METTL2A: variants seen among roughly 807,000 people sequenced by gnomAD.
METTL2A encodes the protein methyltransferase 2A, tRNA N3-cytidine.
METTL2A carries 45 observed loss-of-function variants against 49.4 expected under a neutral mutation model. The ratio of observed to expected loss-of-function variants is 0.91; its 90% CI spans 0.72 to 1.17. METTL2A has a LOEUF of 1.17. Among genes scored for constraint, METTL2A ranks in the 50% most tolerant of loss-of-function variants. The pLI is 0.00. For missense variants in METTL2A, 361 were observed against 462.2 expected (o/e 0.78, Z 2.01); for synonymous variants, 118 against 167.5 (o/e 0.70, Z 2.28).
chr17:62,432,505 C>A (rs1389324198), intron 4 of METTL2A, among the ~76,000 whole-genome samples: 1 of 151,782 alleles, frequency 6.6e-6, no homozygotes, highest in African/African-American at 2.4e-5. Flanking sequence ...CCTGTCTCTA[C>A]AAAAAAATTA....
rs750594685 is a variant in METTL2A, at chr17:62,424,297, C to T, written c.189C>T (p.Cys63=). 4 of 1,613,752 alleles carry T rather than the reference C, an allele frequency of 2.5e-6. No individual in the cohort carries two copies. Among genetic ancestry groups the T allele is most frequent in the African/African-American group, 1.3e-5 (1 of 74,886 alleles). The change falls in exon 2 of 9, where the codon TGC becomes TGT. Residue 63 remains cysteine (C), a synonymous_variant. Transcript: ENST00000311506. ...AGGAGAACAGTATCCAGCGGGTGTG[C>T]CAGGAGAAACAAGGTGCGCTTAAAT... ...KVQENSIQRV[C]QEKQVDYEIN...
chr17:62,431,327 A>G (rs1237610575), intron 4 of METTL2A, among the ~76,000 whole-genome samples: 1 of 150,578 alleles, frequency 6.6e-6, no homozygotes, highest in Non-Finnish European at 1.5e-5. Context: ...CAGCCTTTTT[A>G]TGTTTCTTGA....
chr17:62,442,778 G>T (rs1481298605), intron 6 of METTL2A, among the ~76,000 whole-genome samples: 5 of 152,200 alleles, frequency 3.3e-5, no homozygotes, highest in African/African-American at 9.6e-5. Flanking sequence ...TGTGTCATCA[G>T]AGTCCTGCAA....
chr17:62,438,984 T>TTTTC (rs1174081855), intron 5 of METTL2A, among the ~76,000 whole-genome samples: 1 of 145,386 alleles, frequency 6.9e-6, no homozygotes, highest in African/African-American at 2.6e-5. Context: ...TTTTTTTTTT[T>TTTTC]TTTTTTTTTT....
At chr17:62,446,918 G>A (rs576451223) in intron 7 of METTL2A, among the ~76,000 whole-genome samples, 63 of 152,304 alleles carry the variant, frequency 4.1e-4, no homozygotes, top group African/African-American at 1.4e-3. Context: ...ATTCAGGAAG[G>A]TCTAGAAGTA....
chr17:62,448,432 G>A (rs1567738372), intron 8 of METTL2A, 143 bp from the exon 9 acceptor site: 2 of 1,461,990 alleles, frequency 1.4e-6, no homozygotes, highest in South Asian at 3.0e-5. Context: ...CTGTTACCAA[G>A]CCACCACTGC....
chr17:62,446,647 A>G (rs1273345939), intron 7 of METTL2A, among the ~76,000 whole-genome samples: 7 of 152,136 alleles, frequency 4.6e-5, no homozygotes, highest in African/African-American at 1.2e-4. Context: ...TTATTGTTCA[A>G]TCCAGTCATT....
intron 4 of METTL2A, among the ~76,000 whole-genome samples, chr17:62,428,127 T>C (rs1187655032): frequency 6.6e-6 from 1 of 152,262 alleles, no homozygotes; most frequent in Non-Finnish European, 1.5e-5. Flanking sequence ...ATCTTTGTCA[T>C]TTGGAAAATT....
In METTL2A at chr17:62,450,247, C is replaced by CATTTTTTTTTTTTTTTTTTTTTTTTTTT. The variant is rs1396756918; in HGVS notation, c.*1518_*1519insATTTTTTTTTTTTTTTTTTTTTTTTTTT. The stretch of plus-strand genomic sequence containing the variant: ...TGTGATCATTATCAGTGTTAGATGC[C>CATTTTTTTTTTTTTTTTTTTTTTTTTTT]TTTTTTTTTTTTTTTTTTTTTTTTT... On this transcript the variant is annotated 3_prime_UTR_variant, in exon 9 of 9. Coordinates refer to ENST00000311506, the MANE Select transcript of METTL2A (RefSeq NM_181725.4). 9 of 80,542 alleles carry CATTTTTTTTTTTTTTTTTTTTTTTTTTT rather than the reference C, an allele frequency of 1.1e-4. 3 individuals are homozygous for CATTTTTTTTTTTTTTTTTTTTTTTTTTT. Among genetic ancestry groups the CATTTTTTTTTTTTTTTTTTTTTTTTTTT allele is most frequent in the Non-Finnish European group, 8.5e-5 (4 of 47,278 alleles). The allele number at this position is 80,542 out of a possible 1,614,324, so 5.0% of individuals were successfully genotyped here.
Position 62,444,939 on chromosome 17 carries a change from A to T in METTL2A, c.912A>T (p.Lys304Asn), listed in dbSNP as rs769206467. 3 of 1,613,614 alleles carry T rather than the reference A, an allele frequency of 1.9e-6. No individual in the cohort carries two copies. In the East Asian group the frequency reaches 6.7e-5, roughly 36 times the overall value. The change falls in exon 7 of 9, where the codon AAA (lysine) becomes AAT (asparagine). Residue 304 changes from lysine (K) to asparagine (N), a missense_variant. By Grantham distance (94) the Lys-to-Asn change is moderately conservative. This residue lies in a region of METTL2A where 183 missense variants were observed against 216.5 expected (regional missense o/e 0.85). Transcript: ENST00000311506. ...GRYDMAQLRFKKGQCLSGNFY... is the reference protein window; with the variant it reads ...GRYDMAQLRFNKGQCLSGNFY... The stretch of plus-strand genomic sequence containing the variant: ...ATGACATGGCTCAGCTTCGGTTTAA[A>T]AAAGGTATTTTGAAAGTGCTGAATC...
intron 6 of METTL2A, among the ~76,000 whole-genome samples, chr17:62,444,313 T>C (rs2070754996): frequency 6.6e-6 from 1 of 152,196 alleles, no homozygotes; most frequent in South Asian, 2.1e-4. Flanking sequence ...TCTCAGTTAC[T>C]CTGCGGCCCA....
chr17:62,436,536 T>A (rs969513889), intron 5 of METTL2A, among the ~76,000 whole-genome samples: 3 of 151,948 alleles, frequency 2.0e-5, no homozygotes, highest in Non-Finnish European at 4.4e-5. Flanking sequence ...TGGGCGACAG[T>A]GAGACTCCAT....
In METTL2A at chr17:62,448,500, A is replaced by T. The variant is rs553297993; in HGVS notation, c.983-75A>T. The T allele has an allele frequency of 2.0e-3, 3,038 of 1,550,746 alleles. 6 individuals carry two copies. Among genetic ancestry groups the T allele is most frequent in the Non-Finnish European group, 2.3e-3 (2,665 of 1,149,630 alleles). ...ACAGCAACTTCCCAGAGCCCCTTTT[A>T]ACAAGGACTTAGTAGATAAAAATGC... On this transcript the variant is annotated intron_variant, in intron 8 of 8. Coordinates refer to ENST00000311506, the MANE Select transcript of METTL2A (RefSeq NM_181725.4).
chr17:62,443,811 C>G (rs553338554), intron 6 of METTL2A, among the ~76,000 whole-genome samples: 1 of 151,998 alleles, frequency 6.6e-6, no homozygotes, highest in African/African-American at 2.4e-5. Context: ...AGGCTGGTCT[C>G]GAACTCCTGA....
At position 62,432,536 on chromosome 17, in the gene METTL2A, A is replaced by G. The variant is rs576368831; in HGVS notation, c.609-2696A>G. 1.0e-3 allele frequency among the ~76,000 whole-genome samples: 156 copies of G among 152,324 alleles called. 1 individual carries two copies. Among genetic ancestry groups the G allele is most frequent in the African/African-American group, 3.4e-3 (140 of 41,578 alleles). ...AATTAGCCGCCAGGCGCTGTGGCTCACACCTGTAATCCCAGCACTTTGGGA... is the reference window on the plus strand; with the variant it reads ...AATTAGCCGCCAGGCGCTGTGGCTCGCACCTGTAATCCCAGCACTTTGGGA... On this transcript the variant is annotated intron_variant, in intron 4 of 8. Coordinates refer to ENST00000311506, the MANE Select transcript of METTL2A (RefSeq NM_181725.4).
intron 6 of METTL2A, among the ~76,000 whole-genome samples, chr17:62,444,166 G>A (rs536603287): frequency 6.6e-6 from 1 of 152,212 alleles, no homozygotes; most frequent in Non-Finnish European, 1.5e-5. Context: ...AAGTCACCTA[G>A]CAGAACCCAC....
chr17:62,427,495 A>G (rs1306671147), intron 3 of METTL2A, among the ~76,000 whole-genome samples: 1 of 152,232 alleles, frequency 6.6e-6, no homozygotes, highest in Non-Finnish European at 1.5e-5. Context: ...TCAGTAAGAA[A>G]ATACTTCATC....
chr17:62,436,134 T>C (rs2070698841), intron 5 of METTL2A, among the ~76,000 whole-genome samples: 1 of 152,146 alleles, frequency 6.6e-6, no homozygotes, highest in Non-Finnish European at 1.5e-5. Context: ...TTTCAGCTAC[T>C]CAGGAGGCTG....
Position 62,435,230 on chromosome 17 carries a change from A to G in METTL2A, c.609-2A>G. The G allele has an allele frequency of 6.2e-7, 1 of 1,613,968 alleles. No homozygotes were observed. The highest frequency in any genetic ancestry group is 8.5e-7 in the Non-Finnish European group (1 of 1,179,856). On this transcript the variant is annotated splice_acceptor_variant, in intron 4 of 8. Transcript: ENST00000311506. LOFTEE classifies it high-confidence loss of function. ...TTGTTCTGTCTTTTCTGCCCATTTCAGTGACCCAGGACTCTTTGTTTATTG... is the reference window on the plus strand; with the variant it reads ...TTGTTCTGTCTTTTCTGCCCATTTCGGTGACCCAGGACTCTTTGTTTATTG...
Sources: allele counts gnomAD v4.1 joint callset (sites outside exome capture counted in the v4.1 genomes callset), GRCh38; gene constraint gnomAD v4.1.1; regional missense constraint gnomAD v4.1.1; transcripts MANE v1.5; gene names NCBI Gene and HGNC (gene_info 2026-07-23, HGNC 2026-07-21).